ADGRF5: variants seen among roughly 807,000 people sequenced by gnomAD.
ADGRF5 encodes the protein G-protein coupled receptor 116.
ADGRF5 carries 75 observed loss-of-function variants against 132.3 expected under a neutral mutation model. That is an observed-to-expected ratio of 0.57 (90% CI 0.47 to 0.69). The LOEUF (loss-of-function observed/expected upper bound fraction) is 0.69. Among genes scored for constraint, ADGRF5 ranks in the 30% least tolerant of loss-of-function variants. The pLI is 0.00. For missense variants in ADGRF5, 1,516 were observed against 1,630.6 expected (o/e 0.93, Z 1.21); for synonymous variants, 629 against 597.6 (o/e 1.05, Z -0.77).
chr6:46,879,542 T>C (rs1446014633), intron 9 of ADGRF5, among the ~76,000 whole-genome samples: 1 of 152,148 alleles, frequency 6.6e-6, no homozygotes, highest in Admixed American at 6.5e-5. Context: ...CTGCCATGAT[T>C]GTAAGTTTCC....
chr6:46,869,383 T>C, intron 11 of ADGRF5: 1 of 985,290 alleles, frequency 1.0e-6, no homozygotes, highest in Non-Finnish European at 1.2e-6. Flanking sequence ...ATCAGCAGGG[T>C]AAAAGGTTGC....
upstream of ADGRF5, among the ~76,000 whole-genome samples, chr6:46,925,106 A>G (rs1777184624): frequency 6.6e-6 from 1 of 152,204 alleles, no homozygotes; most frequent in African/African-American, 2.4e-5. Flanking sequence ...TCTTTTCAAC[A>G]GCCAGTGAGA....
At chr6:46,889,620 T>A (rs1444286508) in intron 3 of ADGRF5, among the ~76,000 whole-genome samples, 1 of 146,190 alleles carries the variant, frequency 6.8e-6, no homozygotes, top group Admixed American at 6.9e-5. Context: ...GGTAGGTGTG[T>A]GTTGAGGAAC....
Position 46,888,508 on chromosome 6 carries a change from G to A in ADGRF5, c.158-3C>T. On this transcript the variant is annotated splice_polypyrimidine_tract_variant and splice_region_variant and intron_variant, in intron 3 of 20. Coordinates refer to ENST00000283296, the MANE Select transcript of ADGRF5 (RefSeq NM_001098518.2). The stretch of plus-strand genomic sequence containing the variant: ...AGCCGTAGGACTTTTTGTGGCAACT[G>A]CAATGAAAGCACATGAAGGCTGAGA... 1 of 1,606,600 alleles carries A rather than the reference G, an allele frequency of 6.2e-7. No homozygotes were observed. Among genetic ancestry groups the A allele is most frequent in the Non-Finnish European group, 8.5e-7 (1 of 1,173,210 alleles).
intron 2 of ADGRF5, among the ~76,000 whole-genome samples, chr6:46,902,625 A>G (rs1299531086): frequency 6.6e-6 from 1 of 152,176 alleles, no homozygotes; most frequent in Non-Finnish European, 1.5e-5. Context: ...TTTTGGAAAC[A>G]CTACTTTCTG....
At chr6:46,946,203 T>TA (rs1344878965) in intron 1 of ADGRF5, among the ~76,000 whole-genome samples, 1 of 151,928 alleles carries the variant, frequency 6.6e-6, no homozygotes, top group Non-Finnish European at 1.5e-5. Context: ...AAGGAACCTG[T>TA]AAAAAACAAC....
chr6:46,944,724 G>C (rs937365191), intron 1 of ADGRF5, among the ~76,000 whole-genome samples: 1 of 152,112 alleles, frequency 6.6e-6, no homozygotes, highest in African/African-American at 2.4e-5. Flanking sequence ...ACCCAAAATA[G>C]AGATTTTTAA....
chr6:46,859,667 G>A, intron 16 of ADGRF5, 144 bp from the exon 17 acceptor site: 1 of 606,788 alleles, frequency 1.6e-6, no homozygotes, highest in Non-Finnish European at 2.9e-6. Flanking sequence ...CAGTGGGGAT[G>A]TATGACCTTC....
intron 3 of ADGRF5, among the ~76,000 whole-genome samples, chr6:46,898,290 C>G (rs887934889): frequency 3.9e-5 from 6 of 152,174 alleles, no homozygotes; most frequent in Non-Finnish European, 8.8e-5. Context: ...TTGGCAGAAA[C>G]CTGGAGCTGG....
chr6:46,928,052 G>A (rs985493148), intron 1 of ADGRF5, among the ~76,000 whole-genome samples: 6 of 152,264 alleles, frequency 3.9e-5, no homozygotes, highest in African/African-American at 1.4e-4. Flanking sequence ...CTGAAAAGTG[G>A]GGTGACAACC....
intron 9 of ADGRF5, among the ~76,000 whole-genome samples, chr6:46,879,063 G>A (rs1478485694): frequency 6.6e-6 from 1 of 152,012 alleles, no homozygotes; most frequent in Non-Finnish European, 1.5e-5. Flanking sequence ...GATTTCACAG[G>A]TGCACGTGTG....
At chr6:46,863,158 C>A in intron 14 of ADGRF5, 62 bp from the exon 15 acceptor site, 1 of 1,252,568 alleles carries the variant, frequency 8.0e-7, no homozygotes. Context: ...AGTAGAAATA[C>A]GGTCAGGCCA....
At chr6:46,932,080 G>A (rs1037864059) in intron 1 of ADGRF5, among the ~76,000 whole-genome samples, 6 of 152,118 alleles carry the variant, frequency 3.9e-5, no homozygotes, top group Non-Finnish European at 7.4e-5. Flanking sequence ...TAATTATATT[G>A]AAATACAGTT....
intron 10 of ADGRF5, among the ~76,000 whole-genome samples, chr6:46,874,047 G>T (rs1771373961): frequency 6.6e-6 from 1 of 152,078 alleles, no homozygotes; most frequent in Admixed American, 6.6e-5. Context: ...TCAGTTATTT[G>T]CCCCTGCAAT....
chr6:46,892,622 C>G (rs993829371), intron 3 of ADGRF5, among the ~76,000 whole-genome samples: 1 of 152,034 alleles, frequency 6.6e-6, no homozygotes, highest in Non-Finnish European at 1.5e-5. Context: ...TGATGGCAGG[C>G]ACCTGTAATC....
chr6:46,943,844 G>A lies in ADGRF5; in HGVS notation c.-25+10890C>T, dbSNP rs75292737. ...TTAAACATACGATGGTTCAAAGGAT[G>A]GTACAAAGCGATACAGAATTCTCTT... is the stretch of plus-strand genomic sequence containing the variant. On this transcript the variant is annotated intron_variant, in intron 1 of 20. Coordinates refer to the ADGRF5 transcript ENST00000265417. Among the ~76,000 whole-genome samples the A allele has an allele frequency of 1.1e-3, 170 of 152,226 alleles. 1 individual carries two copies. Among genetic ancestry groups the A allele is most frequent in the Admixed American group, 7.5e-3 (115 of 15,292 alleles).
At chr6:46,900,201 A>G in intron 2 of ADGRF5, 118 bp from the exon 3 acceptor site, 1 of 761,450 alleles carries the variant, frequency 1.3e-6, no homozygotes, top group Admixed American at 1.9e-5. Flanking sequence ...ACTTTGGGTT[A>G]GCACCATGTG....
At chr6:46,870,201 C>A (rs1487231533) in intron 11 of ADGRF5, among the ~76,000 whole-genome samples, 1 of 152,024 alleles carries the variant, frequency 6.6e-6, no homozygotes, top group Non-Finnish European at 1.5e-5. Context: ...CTCATTCTGT[C>A]ACCCAGGCTG....
rs9689298 is a variant in ADGRF5 at position 46,918,220 on chromosome 6, A to T, written c.-25+3493T>A. Among the ~76,000 whole-genome samples, 970 of 152,328 alleles carry T rather than the reference A, an allele frequency of 6.4e-3. 8 individuals carry two copies. The highest frequency in any genetic ancestry group is 0.011 in the Non-Finnish European group (750 of 68,034). On this transcript the variant is annotated intron_variant, in intron 1 of 20. Coordinates refer to ENST00000283296, the MANE Select transcript of ADGRF5 (RefSeq NM_001098518.2). Reference sequence around the variant, plus strand: ...GTGCCCTTAGCTAATATGTATATTTAACTCAACCATCCTTATTAGAGCACC... The same window carrying T: ...GTGCCCTTAGCTAATATGTATATTTTACTCAACCATCCTTATTAGAGCACC...
Sources: gnomAD v4.1 joint callset for allele counts (sites outside exome capture counted in the v4.1 genomes callset) on GRCh38, gnomAD v4.1.1 for gene constraint, MANE v1.5 for transcripts, NCBI Gene and HGNC (gene_info 2026-07-23, HGNC 2026-07-21) for gene names.